Variants in FAAH2 observed in about 807,000 individuals in gnomAD.
The protein encoded by FAAH2 is fatty acid amide hydrolase 2.
A neutral mutation model predicts 36.9 loss-of-function variants in FAAH2; 60 were observed. The observed-to-expected ratio is 1.63, with a 90% CI of 1.32 to 2.02. The LOEUF (loss-of-function observed/expected upper bound fraction) is 2.02. Among genes scored for constraint, FAAH2 ranks in the 30% most tolerant of loss-of-function variants. The probability of loss-of-function intolerance (pLI) is 0.00; values close to 1 mark genes in which losing one functional copy is unlikely to be tolerated. For synonymous variants in FAAH2, 214 were observed against 143.8 expected, an observed-to-expected ratio of 1.49 and a Z score of -3.49; for missense variants, 689 against 397.5, an observed-to-expected ratio of 1.73 and a Z score of -6.23.
chrX:57,387,317 T>C (rs185050673), intron 7 of FAAH2, among the ~76,000 whole-genome samples: 1 of 111,551 alleles, frequency 9.0e-6, no homozygotes, highest in Admixed American at 9.5e-5. Context: ...AAATCAATAA[T>C]TATTTATAGA....
At chrX:57,123,263 T>G in the FAAH2 span, among the ~76,000 whole-genome samples, 153 of 111,901 alleles carry the variant, frequency 1.4e-3, no homozygotes, top group Non-Finnish European at 2.4e-3. Context: ...TTTGGTTTTT[T>G]GTCCTTGCGA....
chrX:57,167,633 C>T, the FAAH2 span, among the ~76,000 whole-genome samples: 1 of 111,575 alleles, frequency 9.0e-6, no homozygotes, highest in Non-Finnish European at 1.9e-5. Flanking sequence ...CATTCTTATG[C>T]ATTTAAATGA....
chrX:57,209,739 A>G, the FAAH2 span, among the ~76,000 whole-genome samples: 8 of 111,057 alleles, frequency 7.2e-5, no homozygotes, highest in Non-Finnish European at 1.1e-4. Context: ...TCTGGGTCCA[A>G]TTCAGCACCA....
rs372173224 is a variant in FAAH2, at chrX:57,418,456, C to T, written c.997-13462C>T. ...TTGCACCATCCCTCATGGCACAGTC[C>T]CTTATGGCTTCCCTTGGCTAAGCGA... is the stretch of plus-strand genomic sequence containing the variant. On this transcript the variant is annotated intron_variant, in intron 7 of 10. Coordinates refer to ENST00000374900, the MANE Select transcript of FAAH2 (RefSeq NM_174912.4). 2.8e-4 allele frequency among the ~76,000 whole-genome samples: 31 copies of T among 111,059 alleles called. No individual in the cohort carries two copies. In the East Asian group the frequency reaches 3.2e-3, roughly 11 times the overall value.
intron 5 of FAAH2, among the ~76,000 whole-genome samples, chrX:57,357,913 T>C (rs187902056): frequency 9.0e-6 from 1 of 111,487 alleles, no homozygotes; most frequent in East Asian, 2.8e-4. Flanking sequence ...CTGTTCACAA[T>C]AGCAAAGACT....
At chrX:57,306,628 A>C (rs184381367) in intron 2 of FAAH2, among the ~76,000 whole-genome samples, 3 of 104,443 alleles carry the variant, frequency 2.9e-5, no homozygotes, top group African/African-American at 1.0e-4. Flanking sequence ...CCTCTAGGGA[A>C]AGAGATAATT....
Position 57,466,154 on chromosome X carries a change from CTCTA to C in FAAH2, c.1423+17438_1423+17441del, listed in dbSNP as rs1483745554. Among the ~76,000 whole-genome samples the C allele has an allele frequency of 1.3e-3, 89 of 66,878 alleles. 1 individual carries two copies. Among genetic ancestry groups the C allele is most frequent in the South Asian group, 5.5e-3 (6 of 1,090 alleles). The allele number at this position is 66,878 out of a possible 115,157, so 58.1% of individuals were successfully genotyped here. On this transcript the variant is annotated intron_variant, in intron 10 of 10. Coordinates refer to ENST00000374900, the MANE Select transcript of FAAH2 (RefSeq NM_174912.4). Reference sequence around the variant, plus strand: ...TCTCTCTCTCTCTCTCTCTCTCTCTCTCTATATATATATATATATATATATACCC... The same window carrying C: ...TCTCTCTCTCTCTCTCTCTCTCTCTCTATATATATATATATATATATACCC...
chrX:57,259,517 TA>T, the FAAH2 span, among the ~76,000 whole-genome samples: 1 of 112,147 alleles, frequency 8.9e-6, no homozygotes, highest in African/African-American at 3.2e-5. Context: ...CTCTGAGAAT[TA>T]ATCCAGACAC....
chrX:57,405,366 G>T (rs1275180818), intron 7 of FAAH2, among the ~76,000 whole-genome samples: 1 of 111,085 alleles, frequency 9.0e-6, no homozygotes, highest in Non-Finnish European at 1.9e-5. Context: ...GAAGCTGTGG[G>T]TCATGGAAGA....
At chrX:57,158,789 C>A in the FAAH2 span, among the ~76,000 whole-genome samples, 1 of 111,845 alleles carries the variant, frequency 8.9e-6, no homozygotes, top group Non-Finnish European at 1.9e-5. Flanking sequence ...TCCCATTCTG[C>A]AGGTTGCCTA....
At chrX:57,182,099 A>G in the FAAH2 span, among the ~76,000 whole-genome samples, 1 of 112,350 alleles carries the variant, frequency 8.9e-6, no homozygotes, top group South Asian at 3.7e-4. Context: ...TTAAAGACTG[A>G]AGTGTAAAAA....
At chrX:57,436,889 C>T (rs1051189150) in intron 8 of FAAH2, among the ~76,000 whole-genome samples, 1 of 111,089 alleles carries the variant, frequency 9.0e-6, no homozygotes, top group Non-Finnish European at 1.9e-5. Flanking sequence ...CATGACACCA[C>T]TATCACCCTG....
At chrX:57,252,917 G>A in the FAAH2 span, among the ~76,000 whole-genome samples, 2 of 112,368 alleles carry the variant, frequency 1.8e-5, no homozygotes, top group African/African-American at 6.5e-5. Flanking sequence ...GAATGAGTTT[G>A]ACAAGTTGAC....
At chrX:57,288,846 A>G (rs1487101331) in intron 1 of FAAH2, among the ~76,000 whole-genome samples, 1 of 111,386 alleles carries the variant, frequency 9.0e-6, no homozygotes, top group African/African-American at 3.3e-5. Flanking sequence ...GTTTTTGGTA[A>G]CTAGCCATTT....
chrX:57,212,039 C>T, the FAAH2 span, among the ~76,000 whole-genome samples: 3 of 111,450 alleles, frequency 2.7e-5, no homozygotes, highest in East Asian at 5.6e-4. Flanking sequence ...AGTGTGAGAC[C>T]GGCCTGGGCA....
the FAAH2 span, among the ~76,000 whole-genome samples, chrX:57,194,417 G>A: frequency 1.8e-5 from 2 of 109,309 alleles, no homozygotes; most frequent in Non-Finnish European, 3.8e-5. Flanking sequence ...CTTTTTTTCT[G>A]GCTAAAATTT....
chrX:57,215,110 C>CA, the FAAH2 span, among the ~76,000 whole-genome samples: 34,234 of 77,931 alleles, frequency 0.44, 7,166 homozygotes, highest in African/African-American at 0.73. Flanking sequence ...AACAAACTTA[C>CA]AAAAAAAAAA....
intron 6 of FAAH2, among the ~76,000 whole-genome samples, chrX:57,379,013 TG>T (rs1248603426): frequency 8.9e-6 from 1 of 111,847 alleles, no homozygotes; most frequent in Non-Finnish European, 1.9e-5. Flanking sequence ...GCCTTATTTT[TG>T]GGAAGGAAAC....
In FAAH2 at chrX:57,448,598, C is replaced by T; in HGVS notation, c.1303C>T (p.Leu435=). 8.3e-7 allele frequency: 1 copy of T among 1,211,334 alleles called. No homozygotes were observed. Among genetic ancestry groups the T allele is most frequent in the Non-Finnish European group, 1.1e-6 (1 of 895,345 alleles). The change falls in exon 10 of 11, where the codon CTG becomes TTG. Residue 435 remains leucine, a synonymous_variant. Transcript: ENST00000374900. The part of the protein sequence containing the change: ...YQKFKAVEES[L]RKELVDMLGD... Reference sequence around the variant, plus strand: ...AAAGTTTAAGGCAGTGGAAGAAAGCCTGCGTAAAGAGCTGGTGGATATGCT... The same window carrying T: ...AAAGTTTAAGGCAGTGGAAGAAAGCTTGCGTAAAGAGCTGGTGGATATGCT...
Sources: gnomAD v4.1 joint callset for allele counts (sites outside exome capture counted in the v4.1 genomes callset) on GRCh38, gnomAD v4.1.1 for gene constraint, MANE v1.5 for transcripts, NCBI Gene and HGNC (gene_info 2026-07-23, HGNC 2026-07-21) for gene names.